Variants in RHOT1 observed in about 807,000 individuals in gnomAD.
RHOT1 encodes the protein mitochondrial Rho GTPase 1.
In RHOT1, 27 loss-of-function variants were observed where a neutral mutation model predicts 95.3. The ratio of observed to expected loss-of-function variants is 0.28; its 90% confidence interval spans 0.21 to 0.39. The LOEUF (loss-of-function observed/expected upper bound fraction) is 0.39, where lower values mean the gene tolerates loss of function less well. Ranked by LOEUF, RHOT1 falls within the 10% of genes least tolerant of loss-of-function variation. The probability of loss-of-function intolerance (pLI) is 1.00; values close to 1 mark genes in which losing one functional copy is unlikely to be tolerated. For synonymous variants in RHOT1, 227 were observed against 263.5 expected (o/e 0.86, Z 1.34); for missense variants, 578 against 786.7 (o/e 0.73, Z 3.17).
chr17:32,175,918 T>A (rs777255520), intron 4 of RHOT1, 44 bp from the exon 5 acceptor site: 1 of 1,357,182 alleles, frequency 7.4e-7, no homozygotes. Context: ...TGTCTATGTT[T>A]TTATTATTTT....
intron 1 of RHOT1, among the ~76,000 whole-genome samples, chr17:32,152,946 C>T (rs751526633): frequency 1.3e-5 from 2 of 152,066 alleles, no homozygotes; most frequent in Non-Finnish European, 2.9e-5. Context: ...TGCATATAGG[C>T]ATGCATCGCC....
Position 32,208,217 on chromosome 17 carries a change from C to A in RHOT1, c.1647C>A (p.His549Gln). 6.2e-7 allele frequency: 1 copy of A among 1,614,100 alleles called. No individual in the cohort carries two copies. Among genetic ancestry groups the A allele is most frequent in the Non-Finnish European group, 8.5e-7 (1 of 1,179,948 alleles). ...SISPTDFCRK[H>Q]KMPPPQAFTC... is the part of the protein sequence containing the mutation. ...CACCTACTGATTTCTGCAGGAAACA[C>A]AAAATGCCTCCACCACAAGCCTTCA... The change falls in exon 18 of 20, where the codon CAC (histidine) becomes CAA (glutamine). Residue 549 changes from histidine (H) to glutamine (Q), a missense_variant. This residue lies in a region of RHOT1 where 296 missense variants were observed against 338.5 expected (regional missense o/e 0.87). Coordinates refer to ENST00000545287, the MANE Select transcript of RHOT1 (RefSeq NM_001033566.3).
intron 6 of RHOT1, among the ~76,000 whole-genome samples, chr17:32,180,868 A>C (rs1286407802): frequency 3.3e-5 from 5 of 152,290 alleles, no homozygotes; most frequent in African/African-American, 9.6e-5. Context: ...AAACTTTTGT[A>C]GAAACAGGGT....
intron 1 of RHOT1, among the ~76,000 whole-genome samples, chr17:32,145,251 G>C (rs1045134324): frequency 7.9e-5 from 12 of 152,074 alleles, no homozygotes; most frequent in African/African-American, 2.9e-4. Context: ...AGTGAGCTGA[G>C]ATCACACCAC....
chr17:32,164,479 A>G (rs1212981154), intron 1 of RHOT1, among the ~76,000 whole-genome samples: 2 of 151,634 alleles, frequency 1.3e-5, no homozygotes, highest in Non-Finnish European at 2.9e-5. Flanking sequence ...TGATCCGCCC[A>G]CCTCGGCCTC....
chr17:32,189,600 A>C (rs778372677), intron 8 of RHOT1, among the ~76,000 whole-genome samples: 14 of 152,126 alleles, frequency 9.2e-5, no homozygotes, highest in Admixed American at 2.0e-4. Flanking sequence ...TCTGTTACTC[A>C]GTTCTTAGGT....
chr17:32,218,569 A>C (rs1457071905), intron 19 of RHOT1, among the ~76,000 whole-genome samples: 1 of 151,716 alleles, frequency 6.6e-6, no homozygotes, highest in Non-Finnish European at 1.5e-5. Flanking sequence ...GCACTTTTGG[A>C]GATCGAGACA....
chr17:32,143,286 ACT>A (rs139047400), intron 1 of RHOT1, among the ~76,000 whole-genome samples: 1 of 151,942 alleles, frequency 6.6e-6, no homozygotes, highest in Non-Finnish European at 1.5e-5. Context: ...CGCAGTCTTC[ACT>A]CTCTCTATGT....
chr17:32,196,138 C>G (rs1004099594), intron 11 of RHOT1, among the ~76,000 whole-genome samples: 2 of 151,140 alleles, frequency 1.3e-5, no homozygotes, highest in Non-Finnish European at 2.9e-5. Context: ...AAATTTGGCT[C>G]TGTCACTTCC....
intron 19 of RHOT1, among the ~76,000 whole-genome samples, chr17:32,221,940 A>T (rs2038859407): frequency 6.6e-6 from 1 of 152,086 alleles, no homozygotes; most frequent in South Asian, 2.1e-4. Context: ...ATCTCTATCA[A>T]CAAACAAACA....
At chr17:32,149,633 A>ATG (rs1233010217) in intron 1 of RHOT1, among the ~76,000 whole-genome samples, 80 of 81,254 alleles carry the variant, frequency 9.8e-4, no homozygotes, top group Non-Finnish European at 1.2e-3. Context: ...ATATATATAT[A>ATG]TATGTGTGTG....
intron 1 of RHOT1, among the ~76,000 whole-genome samples, chr17:32,152,399 A>T (rs1002658717): frequency 1.3e-5 from 2 of 152,230 alleles, no homozygotes; most frequent in African/African-American, 4.8e-5. Context: ...ATCATTGCAG[A>T]CATAGGGAGT....
chr17:32,158,478 CAG>C (rs1022851813), intron 1 of RHOT1, among the ~76,000 whole-genome samples: 6 of 151,870 alleles, frequency 4.0e-5, no homozygotes, highest in Non-Finnish European at 5.9e-5. Flanking sequence ...TTTTTTGAGA[CAG>C]AGTCTTGCTC....
Position 32,175,359 on chromosome 17 carries a change from T to G in RHOT1, c.219T>G (p.Ser73=). 1 of 1,613,114 alleles carries G rather than the reference T, an allele frequency of 6.2e-7. No homozygotes were observed. The highest frequency in any genetic ancestry group is 8.5e-7 in the Non-Finnish European group (1 of 1,179,080). Residue 73 remains serine, a synonymous_variant, in exon 4 of 20, where the codon TCT becomes TCG. Transcript: ENST00000545287. ...ATGAACAACTTCATCAAGAAATATCTCAGGTGAGCTTTAAAAAACAGAGGT... is the reference window on the plus strand; with the variant it reads ...ATGAACAACTTCATCAAGAAATATCGCAGGTGAGCTTTAAAAAACAGAGGT... ...QSDEQLHQEI[S]QANVICIVYA...
chr17:32,164,656 G>A (rs2033882079), intron 1 of RHOT1, among the ~76,000 whole-genome samples: 1 of 150,300 alleles, frequency 6.7e-6, no homozygotes, highest in South Asian at 2.1e-4. Context: ...TCGAGCCCAG[G>A]AATTCAAGAC....
chr17:32,151,143 C>G (rs1256725478), intron 1 of RHOT1: 1 of 809,456 alleles, frequency 1.2e-6, no homozygotes, highest in Non-Finnish European at 2.2e-6. Context: ...GGGTTCTTTA[C>G]TGTTGACTCT....
Position 32,209,616 on chromosome 17 carries a change from T to G in RHOT1, c.1739+1307T>G, listed in dbSNP as rs1007957270. ...TACGTTGTCTTCCTTACTACATAAATGTACTTCTTTAATCTTGTGATTACA... is the reference window on the plus strand; with the variant it reads ...TACGTTGTCTTCCTTACTACATAAAGGTACTTCTTTAATCTTGTGATTACA... On this transcript the variant is annotated intron_variant, in intron 18 of 19. Coordinates refer to ENST00000545287, the MANE Select transcript of RHOT1 (RefSeq NM_001033566.3). 3.2e-5 allele frequency: 16 copies of G among 498,376 alleles called. 1 individual carries two copies. Among genetic ancestry groups the G allele is most frequent in the South Asian group, 1.5e-4 (6 of 39,038 alleles). The allele number at this position is 498,376 out of a possible 1,614,324, so 30.9% of individuals were successfully genotyped here.
At chr17:32,201,923 G>A (rs567859586) in intron 14 of RHOT1, among the ~76,000 whole-genome samples, 3 of 151,958 alleles carry the variant, frequency 2.0e-5, no homozygotes, top group Non-Finnish European at 4.4e-5. Flanking sequence ...TTGTTTGTTT[G>A]TTTGTTTGAG....
At chr17:32,160,614 G>T (rs745528255) in intron 1 of RHOT1, among the ~76,000 whole-genome samples, 1 of 152,214 alleles carries the variant, frequency 6.6e-6, no homozygotes, top group Non-Finnish European at 1.5e-5. Context: ...GAGTCGCCAA[G>T]CTTCCGGGCA....
Sources: allele counts gnomAD v4.1 joint callset (sites outside exome capture counted in the v4.1 genomes callset), GRCh38; gene constraint gnomAD v4.1.1; regional missense constraint gnomAD v4.1.1; transcripts MANE v1.5; gene names NCBI Gene and HGNC (gene_info 2026-07-23, HGNC 2026-07-21).